R3HDM2: variants seen among roughly 807,000 people sequenced by gnomAD.
R3HDM2 encodes R3H domain-containing protein 2.
R3HDM2 carries 38 observed loss-of-function variants against 124.5 expected under a neutral mutation model. The ratio of observed to expected loss-of-function variants is 0.31; its 90% CI spans 0.24 to 0.40. The LOEUF is 0.40. Ranked by LOEUF, R3HDM2 falls within the 10% of genes least tolerant of loss-of-function variation. The pLI is 1.00. For missense variants in R3HDM2, 869 were observed against 1,236.9 expected (o/e 0.70, Z 4.46); for synonymous variants, 391 against 448.0 (o/e 0.87, Z 1.61).
At chr12:57,320,252 A>G (rs2136276475) in intron 2 of R3HDM2, among the ~76,000 whole-genome samples, 1 of 142,430 alleles carries the variant, frequency 7.0e-6, no homozygotes, top group Non-Finnish European at 1.5e-5. Flanking sequence ...CAAGAGTGCA[A>G]CTCTATCTCA....
intron 11 of R3HDM2, 106 bp from the exon 12 acceptor site, chr12:57,289,146 C>A: frequency 9.1e-7 from 1 of 1,096,694 alleles, no homozygotes; most frequent in Non-Finnish European, 1.4e-6. Flanking sequence ...CAAACCAAAG[C>A]TCACCCCACC....
chr12:57,260,183 G>A (rs564619381), intron 19 of R3HDM2, among the ~76,000 whole-genome samples: 6 of 148,556 alleles, frequency 4.0e-5, no homozygotes, highest in African/African-American at 7.5e-5. Flanking sequence ...AGGATCACTT[G>A]AGCCTGGGAG....
At chr12:57,307,846 A>G (rs1363215123) in intron 3 of R3HDM2, among the ~76,000 whole-genome samples, 3 of 151,794 alleles carry the variant, frequency 2.0e-5, no homozygotes, top group Non-Finnish European at 4.4e-5. Context: ...GGAAATGCAT[A>G]GAGAGTAGAG....
At chr12:57,256,362 C>A (rs2038996262) in intron 22 of R3HDM2, 52 bp downstream of exon 22, 4 of 1,411,276 alleles carry the variant, frequency 2.8e-6, no homozygotes, top group South Asian at 1.3e-5. Context: ...CACAGGCACC[C>A]AAATAAGAAG....
chr12:57,423,373 G>A (rs1392822057), intron 1 of R3HDM2, among the ~76,000 whole-genome samples: 3 of 150,654 alleles, frequency 2.0e-5, no homozygotes, highest in Admixed American at 6.6e-5. Context: ...GCAGTGAGTC[G>A]ACATCATGCC....
At position 57,401,757 on chromosome 12, in the gene R3HDM2, G is replaced by A. The variant is rs546517216; in HGVS notation, c.-105-5939C>T. On this transcript the variant is annotated intron_variant, in intron 1 of 23. Coordinates refer to ENST00000402412, the MANE Select transcript of R3HDM2 (RefSeq NM_001394031.1). ...CCAGAATTTTGGGAGGCCAAGGTAG[G>A]TGGATCATTTGGGGTCAGGAGTTCG... is the stretch of plus-strand genomic sequence containing the variant. 3.9e-5 allele frequency among the ~76,000 whole-genome samples: 6 copies of A among 152,304 alleles called. No individual in the cohort carries two copies. The South Asian group carries it at 1.2e-3, about 32-fold the overall frequency.
At position 57,268,305 on chromosome 12, in the gene R3HDM2, C is replaced by T. The variant is rs746236523; in HGVS notation, c.2028G>A (p.Thr676=). The T allele has an allele frequency of 6.2e-6, 10 of 1,613,472 alleles. No individual in the cohort carries two copies. Among genetic ancestry groups the T allele is most frequent in the Admixed American group, 3.3e-5 (2 of 59,954 alleles). Residue 676 remains threonine (T), a splice_region_variant and synonymous_variant, in exon 18 of 24, where the codon ACG becomes ACA. Coordinates refer to ENST00000402412, the MANE Select transcript of R3HDM2 (RefSeq NM_001394031.1). ...CCTGGCTCTCTGGGAGTCCTCACCT[C>T]GTACCGTTCTGCTGAGCAGGTGGGA... ...SMIPPAQQNG[T]SPSVGFLQPP...
At chr12:57,355,456 CAAA>C (rs1275868390) in intron 2 of R3HDM2, among the ~76,000 whole-genome samples, 1 of 51,148 alleles carries the variant, frequency 2.0e-5, no homozygotes. Flanking sequence ...GAGACTGTCT[CAAA>C]AAAAAAAAAA....
At chr12:57,328,289 T>G (rs2057606527) in intron 2 of R3HDM2, among the ~76,000 whole-genome samples, 1 of 152,126 alleles carries the variant, frequency 6.6e-6, no homozygotes, top group South Asian at 2.1e-4. Flanking sequence ...CTCGAACTAC[T>G]GAGCTTAAGT....
At chr12:57,418,339 G>A (rs917727538) in intron 1 of R3HDM2, 1 of 985,266 alleles carries the variant, frequency 1.0e-6, no homozygotes, top group Non-Finnish European at 1.2e-6. Context: ...AACGGGGCAA[G>A]GCCTCCAGAG....
intron 2 of R3HDM2, among the ~76,000 whole-genome samples, chr12:57,384,701 T>C (rs1327112228): frequency 1.3e-5 from 2 of 152,132 alleles, no homozygotes; most frequent in Admixed American, 6.6e-5. Context: ...AAGTCTTACA[T>C]ACTAATAAAG....
chr12:57,355,796 G>A (rs905740245), intron 2 of R3HDM2, among the ~76,000 whole-genome samples: 1 of 152,150 alleles, frequency 6.6e-6, no homozygotes, highest in Non-Finnish European at 1.5e-5. Flanking sequence ...CATAAGCAAT[G>A]GTACTGCATG....
chr12:57,330,234 G>A (rs906176976), intron 2 of R3HDM2, among the ~76,000 whole-genome samples: 1 of 151,944 alleles, frequency 6.6e-6, no homozygotes, highest in African/African-American at 2.4e-5. Flanking sequence ...CCAAAGTGCT[G>A]GGATTACAGG....
chr12:57,298,248 C>A, intron 6 of R3HDM2, 80 bp from the exon 7 acceptor site: 2 of 1,085,144 alleles, frequency 1.8e-6, no homozygotes, highest in South Asian at 2.9e-5. Context: ...AAGTCCACAA[C>A]CTAACCAGGA....
intron 12 of R3HDM2, among the ~76,000 whole-genome samples, chr12:57,284,628 GT>G (rs1195296928): frequency 6.6e-6 from 1 of 152,234 alleles, no homozygotes; most frequent in Non-Finnish European, 1.5e-5. Context: ...GGAAAACTCA[GT>G]TTGATAGTCT....
At chr12:57,259,528 G>A (rs1471384206) in intron 19 of R3HDM2, among the ~76,000 whole-genome samples, 3 of 152,182 alleles carry the variant, frequency 2.0e-5, no homozygotes, top group Non-Finnish European at 4.4e-5. Context: ...GTTTCACTAT[G>A]CCAGACCCAG....
chr12:57,360,036 T>TAC (rs1483323502), intron 2 of R3HDM2, among the ~76,000 whole-genome samples: 5,219 of 74,488 alleles, frequency 0.07, 142 homozygotes, highest in South Asian at 0.15. Context: ...CACATATATA[T>TAC]ATATATATAT....
chr12:57,272,398 C>T lies in R3HDM2; in HGVS notation c.1345-2404G>A, dbSNP rs191087068. 2.7e-5 allele frequency: 38 copies of T among 1,419,150 alleles called. No homozygotes were observed. In the East Asian group the frequency reaches 8.7e-4, roughly 32 times the overall value. The allele number at this position is 1,419,150 out of a possible 1,614,324, so 87.9% of individuals were successfully genotyped here. On this transcript the variant is annotated intron_variant, in intron 14 of 23. Coordinates refer to ENST00000402412, the MANE Select transcript of R3HDM2 (RefSeq NM_001394031.1). ...GCCATCACAGACTGACCCAGACATA[C>T]CTACAGATACAGGCCACACATGAAC...
intron 18 of R3HDM2, among the ~76,000 whole-genome samples, chr12:57,267,161 CACAG>C (rs967537520): frequency 6.6e-6 from 1 of 151,714 alleles, no homozygotes; most frequent in African/African-American, 2.4e-5. Flanking sequence ...ACAACAGAAA[CACAG>C]ACAAAGAGAG....
Sources: gnomAD v4.1 joint callset for allele counts (sites outside exome capture counted in the v4.1 genomes callset) on GRCh38, gnomAD v4.1.1 for gene constraint, MANE v1.5 for transcripts, NCBI Gene and HGNC (gene_info 2026-07-23, HGNC 2026-07-21) for gene names.